Variants in GPHN observed in about 807,000 individuals in gnomAD.
GPHN encodes the protein gephyrin.
GPHN carries 17 observed loss-of-function variants against 95.5 expected under a neutral mutation model. That is an observed-to-expected ratio of 0.18 (90% confidence interval 0.12 to 0.27). The LOEUF is 0.27. GPHN is among the 10% of genes least tolerant of loss of function. The pLI, the probability that GPHN is intolerant of heterozygous loss-of-function variation, is 1.00. For missense variants in GPHN, 660 were observed against 978.1 expected (o/e 0.67, Z 4.34); for synonymous variants, 320 against 322.5 (o/e 0.99, Z 0.08).
At chr14:67,027,045 A>G (rs1398771971) in intron 10 of GPHN, among the ~76,000 whole-genome samples, 2 of 152,230 alleles carry the variant, frequency 1.3e-5, no homozygotes, top group East Asian at 1.9e-4. Context: ...GCAATAGGTA[A>G]GAATAGAAAT....
At chr14:67,302,333 A>C in the GPHN span, 1 of 1,202,594 alleles carries the variant, frequency 8.3e-7, no homozygotes, top group Non-Finnish European at 1.1e-6. Context: ...TGAATGGAAA[A>C]AATAGAATTT....
At chr14:66,621,469 G>C (rs2063299678) in intron 1 of GPHN, among the ~76,000 whole-genome samples, 2 of 150,368 alleles carry the variant, frequency 1.3e-5, no homozygotes, top group South Asian at 4.2e-4. Flanking sequence ...CTGTCGCCCA[G>C]GCTAGAGTGC....
In GPHN at chr14:67,092,867, G is replaced by T. The variant is rs112016422; in HGVS notation, c.1237+3792G>T. ...AGTATTTTTATTCTTCACATTTTTC[G>T]ATTTTGTTTCTCCCTTCACACTGAT... On this transcript the variant is annotated intron_variant, in intron 12 of 22. Coordinates refer to ENST00000478722, the MANE Select transcript of GPHN (RefSeq NM_020806.5). Among the ~76,000 whole-genome samples, 470 of 152,048 alleles carry T rather than the reference G, an allele frequency of 3.1e-3. 5 individuals are homozygous for T. Among genetic ancestry groups the T allele is most frequent in the African/African-American group, 0.011 (452 of 41,488 alleles).
the GPHN span, chr14:67,695,897 T>A: frequency 1.7e-6 from 1 of 595,322 alleles, no homozygotes; most frequent in African/African-American, 1.9e-5. Context: ...AGAAGTTGAA[T>A]TATACATCGC....
intron 12 of GPHN, among the ~76,000 whole-genome samples, chr14:67,097,156 A>T (rs1369324087): frequency 1.3e-5 from 2 of 152,190 alleles, no homozygotes; most frequent in African/African-American, 4.8e-5. Context: ...TTTAGAAGCC[A>T]TAATTGATTT....
At chr14:67,611,934 T>C in the GPHN span, among the ~76,000 whole-genome samples, 5 of 152,080 alleles carry the variant, frequency 3.3e-5, no homozygotes, top group Admixed American at 2.0e-4. Context: ...AACTAAACGG[T>C]CCCATCCATG....
the GPHN span, chr14:67,589,790 T>C: frequency 9.1e-7 from 1 of 1,099,070 alleles, no homozygotes; most frequent in Non-Finnish European, 1.1e-6. Context: ...TGCTTAGCAA[T>C]TTCCGAAAGT....
chr14:67,080,321 G>C (rs1042283158), intron 11 of GPHN, among the ~76,000 whole-genome samples: 1 of 151,628 alleles, frequency 6.6e-6, no homozygotes, highest in Non-Finnish European at 1.5e-5. Flanking sequence ...ACTCTTACTA[G>C]ATATATGATT....
In GPHN at chr14:66,895,366, G is replaced by A. The variant is rs112098154; in HGVS notation, c.389+15333G>A. ...CACACCGGGGCCTGTTGTGGGATGC[G>A]GGGAGCGGGGAGGGAAAGCATTAGG... On this transcript the variant is annotated intron_variant, in intron 5 of 22. Transcript: ENST00000478722. 3.1e-3 allele frequency among the ~76,000 whole-genome samples: 477 copies of A among 152,270 alleles called. 11 individuals carry two copies. The highest frequency in any genetic ancestry group is 0.011 in the African/African-American group (447 of 41,538).
At chr14:66,771,025 G>T (rs771800228) in intron 2 of GPHN, among the ~76,000 whole-genome samples, 1 of 152,032 alleles carries the variant, frequency 6.6e-6, no homozygotes, top group Non-Finnish European at 1.5e-5. Context: ...GGATTCTCAG[G>T]CCTCTCAGTT....
chr14:67,645,548 T>C, the GPHN span: 3 of 1,416,396 alleles, frequency 2.1e-6, no homozygotes, highest in Non-Finnish European at 2.9e-6. Flanking sequence ...GGCTTTGCAC[T>C]GTGGAGAGAG....
At chr14:67,329,436 G>A in the GPHN span, among the ~76,000 whole-genome samples, 3 of 152,124 alleles carry the variant, frequency 2.0e-5, no homozygotes, top group African/African-American at 7.2e-5. Flanking sequence ...GGGATAATTC[G>A]ACTTCCTCTT....
chr14:67,725,047 C>A, the GPHN span: 3 of 1,602,276 alleles, frequency 1.9e-6, no homozygotes, highest in Non-Finnish European at 2.6e-6. Context: ...TACTATACCT[C>A]CTTTATAGCC....
the GPHN span, among the ~76,000 whole-genome samples, chr14:67,542,676 CTATTTTATTT>C: frequency 1.2e-3 from 180 of 151,870 alleles, no homozygotes; most frequent in Admixed American, 2.0e-3. Context: ...AGATAACATT[CTATTTTATTT>C]TATTTTATTT....
At chr14:66,699,923 A>T (rs1251651611) in intron 2 of GPHN, among the ~76,000 whole-genome samples, 1 of 152,216 alleles carries the variant, frequency 6.6e-6, no homozygotes, top group Non-Finnish European at 1.5e-5. Flanking sequence ...AAATTTGAAA[A>T]AACAACTTTA....
At chr14:67,001,212 T>A (rs1302561598) in intron 9 of GPHN, among the ~76,000 whole-genome samples, 2 of 151,634 alleles carry the variant, frequency 1.3e-5, no homozygotes, top group Non-Finnish European at 3.0e-5. Context: ...CATAAAGTAC[T>A]TATGTGAAGT....
chr14:66,634,741 A>T (rs1056964578), intron 1 of GPHN, among the ~76,000 whole-genome samples: 1 of 152,192 alleles, frequency 6.6e-6, no homozygotes, highest in African/African-American at 2.4e-5. Context: ...GGAACCAGCT[A>T]TAAGATTGCT....
At chr14:67,154,569 G>T (rs1286469204) in intron 18 of GPHN, among the ~76,000 whole-genome samples, 1 of 152,022 alleles carries the variant, frequency 6.6e-6, no homozygotes, top group Non-Finnish European at 1.5e-5. Flanking sequence ...ATGAATGAGT[G>T]AAAGGTGTAT....
chr14:66,794,291 C>T (rs999875765), intron 3 of GPHN, among the ~76,000 whole-genome samples: 1 of 152,074 alleles, frequency 6.6e-6, no homozygotes, highest in African/African-American at 2.4e-5. Flanking sequence ...GTGTGTAGCC[C>T]CTTCCCACTT....
Sources: allele counts gnomAD v4.1 joint callset (sites outside exome capture counted in the v4.1 genomes callset), GRCh38; gene constraint gnomAD v4.1.1; transcripts MANE v1.5; gene names NCBI Gene and HGNC (gene_info 2026-07-23, HGNC 2026-07-21).